LYST: variants seen among roughly 807,000 people sequenced by gnomAD.
The protein encoded by LYST is lysosomal-trafficking regulator.
In LYST, 192 loss-of-function variants were observed where a neutral mutation model predicts 413.6. The ratio of observed to expected loss-of-function variants is 0.46; its 90% CI spans 0.41 to 0.52. The LOEUF is 0.52. LYST is among the 20% of genes least tolerant of loss of function. The pLI is 0.00. For missense variants in LYST, 3,815 were observed against 4,499.9 expected (o/e 0.85, Z 4.35); for synonymous variants, 1,525 against 1,567.3 (o/e 0.97, Z 0.64).
rs1446368752 is a variant in LYST, at chr1:235,702,736, A to C, written c.10374+11T>G. ...GTTTTGCTGCACTCGATTGAAATCC[A>C]AATGACATACCGGATAGGTGATTTC... On this transcript the variant is annotated intron_variant, in intron 45 of 52. Transcript: ENST00000389793. 1 of 1,610,542 alleles carries C rather than the reference A, an allele frequency of 6.2e-7. No homozygotes were observed. Among genetic ancestry groups the C allele is most frequent in the South Asian group, 1.1e-5 (1 of 91,000 alleles).
intron 25 of LYST, 60 bp downstream of exon 25, chr1:235,755,418 G>GAAAAGAA (rs1666935107): frequency 7.1e-7 from 1 of 1,409,076 alleles, no homozygotes; most frequent in Non-Finnish European, 1.0e-6. Flanking sequence ...GAAAAGAAAA[G>GAAAAGAA]AAAAGAAAAG....
rs1481968469 is a variant in LYST at position 235,758,975 on chromosome 1, T to C, written c.6878A>G (p.His2293Arg). The C allele has an allele frequency of 6.2e-6, 10 of 1,613,822 alleles. No homozygotes were observed. Among genetic ancestry groups the C allele is most frequent in the African/African-American group, 1.3e-5 (1 of 74,922 alleles). ...GTGTACAAAAACACATAAGTACCTG[T>C]GAGCACTTGCAGTTCGGTTGTAATT... ...EPNYNRTASA[H>R]SVTEDCLVPI... Residue 2293 changes from histidine (H) to arginine (R), a missense_variant, in exon 23 of 53, where the codon CAC (histidine) becomes CGC (arginine). Around this residue, in one of 4 missense-constraint regions of LYST, gnomAD observed 771 missense variants for 837.1 expected, o/e 0.92. Transcript: ENST00000389793.
chr1:235,754,323 T>C (rs1324205601), intron 25 of LYST, among the ~76,000 whole-genome samples: 1 of 149,986 alleles, frequency 6.7e-6, no homozygotes, highest in Non-Finnish European at 1.5e-5. Context: ...ACCTCTGCCT[T>C]CTGGGTTCAA....
chr1:235,830,205 TA>T lies in LYST; in HGVS notation c.192+20del. On this transcript the variant is annotated intron_variant, in intron 3 of 52. Coordinates refer to ENST00000389793, the MANE Select transcript of LYST (RefSeq NM_000081.4). ...ACTATCATATATTGATGAAAGTAAG[TA>T]TTTGATATAAAAATGTTACCTGATC... is the stretch of plus-strand genomic sequence containing the variant. 1 of 1,533,330 alleles carries T rather than the reference TA, an allele frequency of 6.5e-7. No homozygotes were observed. Among genetic ancestry groups the T allele is most frequent in the South Asian group, 1.1e-5 (1 of 89,344 alleles). The allele number at this position is 1,533,330 out of a possible 1,614,324, so 95.0% of individuals were successfully genotyped here. A position where few individuals can be genotyped will look rare whatever the true frequency, so the allele number is the denominator to read the frequency against.
intron 47 of LYST, among the ~76,000 whole-genome samples, chr1:235,690,915 CTTTT>C (rs138162439): frequency 1.4e-5 from 2 of 145,544 alleles, no homozygotes; most frequent in South Asian, 4.3e-4. Flanking sequence ...TTACAAGTTT[CTTTT>C]TTTTTTTTTT....
intron 24 of LYST, among the ~76,000 whole-genome samples, chr1:235,756,457 C>T (rs1230450613): frequency 6.6e-6 from 1 of 152,096 alleles, no homozygotes. Flanking sequence ...AATGTAGGGG[C>T]TTATATTATT....
At chr1:235,756,395 C>T (rs1040006988) in intron 24 of LYST, among the ~76,000 whole-genome samples, 12 of 152,134 alleles carry the variant, frequency 7.9e-5, no homozygotes, top group Admixed American at 5.2e-4. Context: ...GAATTTCTTA[C>T]GTTTTACTTA....
Position 235,664,929 on chromosome 1 carries a change from G to A in LYST, c.11039-308C>T, listed in dbSNP as rs1553260397. Reference sequence around the variant, plus strand: ...CTGCCTCAGCCTTCTAAGTTGCTGGGACAACAGGTGCACGCCACCACATCC... The same window carrying A: ...CTGCCTCAGCCTTCTAAGTTGCTGGAACAACAGGTGCACGCCACCACATCC... On this transcript the variant is annotated intron_variant, in intron 50 of 52. Transcript: ENST00000389793. The surrounding 1 kb of genome is among the most constrained non-coding windows in gnomAD (Gnocchi z 4.5). 1.3e-5 allele frequency among the ~76,000 whole-genome samples: 2 copies of A among 152,096 alleles called. No homozygotes were observed. Among genetic ancestry groups the A allele is most frequent in the Non-Finnish European group, 2.9e-5 (2 of 68,014 alleles).
intron 16 of LYST, among the ~76,000 whole-genome samples, chr1:235,779,107 T>C (rs1349291695): frequency 2.0e-5 from 3 of 151,944 alleles, no homozygotes; most frequent in Non-Finnish European, 2.9e-5. Flanking sequence ...CCTCAGGTGA[T>C]CCACCCGCCT....
At chr1:235,848,951 G>A (rs1237049701) in intron 1 of LYST, among the ~76,000 whole-genome samples, 1 of 152,000 alleles carries the variant, frequency 6.6e-6, no homozygotes, top group African/African-American at 2.4e-5. Flanking sequence ...TAAAGAATTG[G>A]TACCAATCCT....
chr1:235,757,534 G>A, intron 23 of LYST, 76 bp from the exon 24 acceptor site: 3 of 1,067,538 alleles, frequency 2.8e-6, no homozygotes, highest in Non-Finnish European at 1.5e-6. Flanking sequence ...ACTGTGACAA[G>A]TAGTAGCATT....
intron 31 of LYST, chr1:235,738,603 A>T (rs772252784): frequency 6.2e-7 from 1 of 1,608,888 alleles, no homozygotes; most frequent in Non-Finnish European, 8.5e-7. Flanking sequence ...GCCTGTATGG[A>T]GTAAAGCAAA....
chr1:235,683,810 A>G (rs1443966428), intron 48 of LYST, among the ~76,000 whole-genome samples: 3 of 152,342 alleles, frequency 2.0e-5, no homozygotes, highest in East Asian at 3.9e-4. Context: ...GTCTCCTGCT[A>G]ACCTCACAAG....
chr1:235,682,654 T>C lies in LYST; in HGVS notation c.10800+4295A>G, dbSNP rs377677045. Among the ~76,000 whole-genome samples, 5 of 152,278 alleles carry C rather than the reference T, an allele frequency of 3.3e-5. No homozygotes were observed. The East Asian group carries it at 7.7e-4, about 23-fold the overall frequency. On this transcript the variant is annotated intron_variant, in intron 48 of 52. Transcript: ENST00000389793. The stretch of plus-strand genomic sequence containing the variant: ...AGAAATGTAGTCGGATGAAAGAATA[T>C]AGAGAAAAATAAAGATACTTGAGTC...
chr1:235,790,283 A>C (rs1670851653), intron 12 of LYST, among the ~76,000 whole-genome samples: 1 of 152,200 alleles, frequency 6.6e-6, no homozygotes, highest in Non-Finnish European at 1.5e-5. Context: ...TCTGGAATTA[A>C]AAACAGGTGG....
intron 50 of LYST, among the ~76,000 whole-genome samples, chr1:235,672,065 G>T (rs1468884480): frequency 6.6e-6 from 1 of 152,104 alleles, no homozygotes; most frequent in Non-Finnish European, 1.5e-5. Flanking sequence ...AAGAGTAAAG[G>T]ATGACTCAGG....
chr1:235,696,982 T>A, intron 46 of LYST, 101 bp downstream of exon 46: 1 of 1,160,246 alleles, frequency 8.6e-7, no homozygotes, highest in Admixed American at 2.0e-5. Context: ...TTGAGCTGAG[T>A]TTTTCCACCA....
At chr1:235,857,122 T>C (rs1679280827) in intron 1 of LYST, among the ~76,000 whole-genome samples, 1 of 152,044 alleles carries the variant, frequency 6.6e-6, no homozygotes, top group African/African-American at 2.4e-5. Flanking sequence ...ATTTTTTGTA[T>C]TTTTAGTAGA....
intron 10 of LYST, among the ~76,000 whole-genome samples, chr1:235,795,006 G>A (rs1310898718): frequency 2.0e-5 from 3 of 152,094 alleles, no homozygotes; most frequent in Non-Finnish European, 2.9e-5. Flanking sequence ...GGGCATTGGG[G>A]CACATCTAGT....
Sources: gnomAD v4.1 joint callset for allele counts (sites outside exome capture counted in the v4.1 genomes callset) on GRCh38, gnomAD v4.1.1 for gene constraint, gnomAD v4.1.1 regional missense constraint, Gnocchi (gnomAD v3.1) non-coding constraint, MANE v1.5 for transcripts, NCBI Gene and HGNC (gene_info 2026-07-23, HGNC 2026-07-21) for gene names.